The following CFAP70 variants were observed in gnomAD, a reference collection of about 807,000 sequenced individuals.
The protein encoded by CFAP70 is cilia- and flagella-associated protein 70.
In CFAP70, 81 loss-of-function variants were observed where a neutral mutation model predicts 137.6. The observed-to-expected ratio is 0.59, with a 90% confidence interval of 0.49 to 0.71. CFAP70 has a LOEUF of 0.71. Ranked by LOEUF, CFAP70 falls within the 30% of genes least tolerant of loss-of-function variation. The pLI, the probability that CFAP70 is intolerant of heterozygous loss-of-function variation, is 0.00. For missense variants in CFAP70, 976 were observed against 1,226.7 expected (o/e 0.80, Z 3.05); for synonymous variants, 382 against 423.6 (o/e 0.90, Z 1.20).
intron 19 of CFAP70, among the ~76,000 whole-genome samples, chr10:73,278,873 C>T (rs1222982372): frequency 1.3e-5 from 2 of 149,902 alleles, no homozygotes; most frequent in Admixed American, 6.7e-5. Context: ...CCCAGCTACT[C>T]GGGAGGCTGA....
chr10:73,315,056 A>T (rs764630986), intron 9 of CFAP70, among the ~76,000 whole-genome samples: 15 of 152,100 alleles, frequency 9.9e-5, no homozygotes, highest in South Asian at 6.2e-4. Flanking sequence ...TACAAAAAAA[A>T]TTTTTTGTTT....
chr10:73,361,785 A>C (rs2055019441), upstream of CFAP70, among the ~76,000 whole-genome samples: 1 of 152,198 alleles, frequency 6.6e-6, no homozygotes, highest in Admixed American at 6.5e-5. Flanking sequence ...ACAATAATAC[A>C]ATCAAATGTA....
chr10:73,303,932 T>G (rs2049160332), intron 12 of CFAP70, among the ~76,000 whole-genome samples: 1 of 152,226 alleles, frequency 6.6e-6, no homozygotes. Flanking sequence ...CTTCCCTTTT[T>G]GTTGGACAGC....
intron 19 of CFAP70, among the ~76,000 whole-genome samples, chr10:73,284,592 T>G (rs1218226672): frequency 6.6e-6 from 1 of 150,734 alleles, no homozygotes; most frequent in Non-Finnish European, 1.5e-5. Context: ...TTTTTCTGCC[T>G]TCCTGTGAAT....
chr10:73,286,392 C>T (rs951665156), intron 19 of CFAP70, among the ~76,000 whole-genome samples: 2 of 152,042 alleles, frequency 1.3e-5, no homozygotes, highest in East Asian at 1.9e-4. Flanking sequence ...TGCAGTGAGC[C>T]GAGATCGCAC....
intron 8 of CFAP70, among the ~76,000 whole-genome samples, chr10:73,330,489 A>G (rs2051963256): frequency 6.6e-6 from 1 of 151,782 alleles, no homozygotes. Context: ...ATGAGATAAT[A>G]TGTAGTTTTG....
intron 24 of CFAP70, among the ~76,000 whole-genome samples, chr10:73,271,840 C>G (rs1248421378): frequency 6.6e-6 from 1 of 152,074 alleles, no homozygotes; most frequent in African/African-American, 2.4e-5. Flanking sequence ...TCTGGGACTA[C>G]AGGCACATGC....
chr10:73,319,763 C>T (rs2050700260), intron 9 of CFAP70, among the ~76,000 whole-genome samples: 1 of 152,154 alleles, frequency 6.6e-6, no homozygotes, highest in Non-Finnish European at 1.5e-5. Flanking sequence ...CATTATCACA[C>T]CTTTACCACC....
intron 8 of CFAP70, among the ~76,000 whole-genome samples, chr10:73,326,276 C>T (rs941291647): frequency 5.3e-5 from 8 of 150,258 alleles, no homozygotes; most frequent in African/African-American, 2.0e-4. Flanking sequence ...TAAAGATGTT[C>T]TTTGAAACCA....
At chr10:73,335,389 G>T in intron 7 of CFAP70, 41 bp downstream of exon 8, 1 of 1,287,014 alleles carries the variant, frequency 7.8e-7, no homozygotes, top group South Asian at 1.3e-5. Flanking sequence ...CCACCTACAA[G>T]CCTTTGTGGG....
chr10:73,272,059 A>G (rs1431082374), intron 24 of CFAP70, among the ~76,000 whole-genome samples: 2 of 152,130 alleles, frequency 1.3e-5, no homozygotes, highest in Non-Finnish European at 2.9e-5. Flanking sequence ...AAAAACAGCA[A>G]TGAGGGGCTA....
chr10:73,313,858 T>A (rs1456850286), intron 9 of CFAP70, among the ~76,000 whole-genome samples: 3 of 151,858 alleles, frequency 2.0e-5, no homozygotes, highest in South Asian at 2.1e-4. Flanking sequence ...GGAAAAAAAA[T>A]TAAAATTAAA....
intron 19 of CFAP70, chr10:73,278,979 CA>C (rs398046078): frequency 0.22 from 15,474 of 71,950 alleles, 918 homozygotes; most frequent in East Asian, 0.42. Context: ...GACTCCGTCT[CA>C]AAAAAAAAAA....
chr10:73,358,189 C>A (rs1294987260), intron 1 of CFAP70, among the ~76,000 whole-genome samples: 2 of 152,242 alleles, frequency 1.3e-5, no homozygotes, highest in Non-Finnish European at 2.9e-5. Context: ...AGGCATGTAA[C>A]CTGTCTCACG....
intron 25 of CFAP70, 53 bp downstream of exon 26, chr10:73,269,561 C>T (rs894537622): frequency 3.1e-6 from 4 of 1,309,338 alleles, no homozygotes; most frequent in East Asian, 4.7e-5. Context: ...GCTTACTTGA[C>T]CCCTCACCTC....
intron 25 of CFAP70, among the ~76,000 whole-genome samples, chr10:73,256,935 A>G (rs2044580420): frequency 1.3e-5 from 2 of 151,334 alleles, no homozygotes; most frequent in Admixed American, 1.3e-4. Context: ...AGGAAAAAAA[A>G]TTCCTCCTTC....
At chr10:73,348,584 CAACA>C (rs2053926364) in intron 3 of CFAP70, 63 bp from the exon 4 acceptor site, 2 of 1,079,598 alleles carry the variant, frequency 1.9e-6, no homozygotes, top group South Asian at 3.6e-5. Context: ...AACCAAGCTG[CAACA>C]AACAAAGCAT....
At chr10:73,296,527 T>C (rs932758352) in intron 15 of CFAP70, 1 of 152,202 alleles carries the variant, frequency 6.6e-6, no homozygotes, top group Non-Finnish European at 1.5e-5. Flanking sequence ...TGAATACAAA[T>C]AAAAATAAGC....
At chr10:73,285,673 C>T (rs1044769909) in intron 19 of CFAP70, among the ~76,000 whole-genome samples, 8 of 142,398 alleles carry the variant, frequency 5.6e-5, no homozygotes, top group Non-Finnish European at 9.0e-5. Flanking sequence ...CTCACTCTGT[C>T]GCTGAGGCTG....
Sources: allele counts gnomAD v4.1 joint callset (sites outside exome capture counted in the v4.1 genomes callset), GRCh38; gene constraint gnomAD v4.1.1; transcripts MANE v1.5; gene names NCBI Gene and HGNC (gene_info 2026-07-23, HGNC 2026-07-21).